SNX24: variants seen among roughly 807,000 people sequenced by gnomAD.
SNX24 encodes sorting nexin 24.
SNX24 carries 22 observed loss-of-function variants against 28.7 expected under a neutral mutation model. That is an observed-to-expected ratio of 0.77 (90% CI 0.55 to 1.10). The LOEUF (loss-of-function observed/expected upper bound fraction) is 1.10. Among genes scored for constraint, SNX24 ranks in the 50% least tolerant of loss-of-function variants. The probability of loss-of-function intolerance (pLI) is 0.00; values close to 1 mark genes in which losing one functional copy is unlikely to be tolerated. For synonymous variants in SNX24, 69 were observed against 71.5 expected (o/e 0.96, Z 0.18); for missense variants, 221 against 201.1 (o/e 1.10, Z -0.60).
chr5:123,014,421 A>G (rs1254442799), intron 5 of SNX24, among the ~76,000 whole-genome samples: 10 of 141,046 alleles, frequency 7.1e-5, no homozygotes, highest in East Asian at 2.1e-4. Context: ...GGCTCAAGCA[A>G]TCCTCCCATC....
At chr5:122,942,479 C>A in intron 2 of SNX24, among the ~76,000 whole-genome samples, 1 of 152,144 alleles carries the variant, frequency 6.6e-6, no homozygotes, top group East Asian at 1.9e-4. Flanking sequence ...CTTTTCTTTT[C>A]TTTTTCATTC....
chr5:122,978,150 T>G (rs557324302), intron 3 of SNX24, among the ~76,000 whole-genome samples: 1 of 152,312 alleles, frequency 6.6e-6, no homozygotes, highest in South Asian at 2.1e-4. Flanking sequence ...GGTATACATT[T>G]GAAAAACTAG....
At chr5:122,997,048 A>G (rs1762075231) in intron 3 of SNX24, among the ~76,000 whole-genome samples, 1 of 152,232 alleles carries the variant, frequency 6.6e-6, no homozygotes, top group African/African-American at 2.4e-5. Context: ...TCTCATGAAT[A>G]TGATCATGTG....
chr5:122,924,896 A>G (rs1758610965), intron 1 of SNX24, among the ~76,000 whole-genome samples: 1 of 152,082 alleles, frequency 6.6e-6, no homozygotes, highest in African/African-American at 2.4e-5. Context: ...GTAGCTTCTC[A>G]GAATAGCACT....
chr5:122,961,216 C>G (rs1760476438), intron 3 of SNX24, among the ~76,000 whole-genome samples: 1 of 152,166 alleles, frequency 6.6e-6, no homozygotes, highest in Middle Eastern at 3.2e-3. Context: ...TGCTGTCTAT[C>G]CTTATTGCCA....
intron 5 of SNX24, among the ~76,000 whole-genome samples, chr5:123,018,075 G>A (rs554160585): frequency 6.6e-6 from 1 of 152,042 alleles, no homozygotes; most frequent in African/African-American, 2.4e-5. Context: ...CCATAAGCAG[G>A]TACAGCTCAG....
chr5:122,986,816 G>A (rs1246371027), intron 3 of SNX24, among the ~76,000 whole-genome samples: 1 of 125,744 alleles, frequency 8.0e-6, no homozygotes, highest in East Asian at 2.8e-4. Flanking sequence ...GAGATGGAAA[G>A]GTGAAGAGAC....
At chr5:123,016,974 G>A (rs1297870764) in intron 5 of SNX24, among the ~76,000 whole-genome samples, 6 of 149,518 alleles carry the variant, frequency 4.0e-5, no homozygotes, top group Non-Finnish European at 5.9e-5. Context: ...CCCATCAGCA[G>A]AAGGAAATGA....
intron 6 of SNX24, among the ~76,000 whole-genome samples, chr5:123,006,888 A>G (rs1304643344): frequency 6.6e-6 from 1 of 152,226 alleles, no homozygotes; most frequent in East Asian, 1.9e-4. Context: ...TTCTTAAAAT[A>G]TTGGACTACT....
chr5:122,891,172 G>GT (rs755251162), intron 1 of SNX24: 115 of 1,400,664 alleles, frequency 8.2e-5, no homozygotes, highest in South Asian at 3.6e-4. Context: ...TTTGTTTTTT[G>GT]TTTTTTTTCC....
chr5:122,956,403 CACAT>C (rs1317102046), intron 3 of SNX24, among the ~76,000 whole-genome samples: 17 of 148,660 alleles, frequency 1.1e-4, no homozygotes, highest in African/African-American at 4.3e-4. Context: ...CACACACACA[CACAT>C]ACACAGCCAC....
At chr5:122,852,896 G>C (rs1400904407) in intron 1 of SNX24, among the ~76,000 whole-genome samples, 1 of 151,988 alleles carries the variant, frequency 6.6e-6, no homozygotes, top group Non-Finnish European at 1.5e-5. Context: ...AAACCCCTCA[G>C]GCATCACAGT....
At chr5:122,854,598 A>G (rs1173799080) in intron 1 of SNX24, among the ~76,000 whole-genome samples, 1 of 152,004 alleles carries the variant, frequency 6.6e-6, no homozygotes, top group Non-Finnish European at 1.5e-5. Flanking sequence ...TGAAAAAAAT[A>G]TAAACACATA....
intron 6 of SNX24, among the ~76,000 whole-genome samples, chr5:123,006,715 T>C (rs1762436035): frequency 6.6e-6 from 1 of 152,204 alleles, no homozygotes; most frequent in South Asian, 2.1e-4. Context: ...TTTAGGTCTC[T>C]GAACCCTCCA....
intron 3 of SNX24, among the ~76,000 whole-genome samples, chr5:122,958,694 T>G (rs1412320543): frequency 1.3e-5 from 2 of 148,810 alleles, no homozygotes; most frequent in Admixed American, 6.8e-5. Context: ...TGGTCATACT[T>G]TATAGTCTTT....
intron 1 of SNX24, among the ~76,000 whole-genome samples, chr5:122,889,492 A>G (rs1756856674): frequency 6.6e-6 from 1 of 151,924 alleles, no homozygotes; most frequent in Non-Finnish European, 1.5e-5. Context: ...CAGATTAGGG[A>G]TACTCAACCA....
chr5:122,912,873 C>T (rs984467166), intron 1 of SNX24, among the ~76,000 whole-genome samples: 7 of 151,876 alleles, frequency 4.6e-5, no homozygotes, highest in African/African-American at 1.7e-4. Context: ...GGCAGAGGAC[C>T]CTGTGGCCCT....
chr5:122,983,714 C>T (rs1371562034), intron 3 of SNX24, among the ~76,000 whole-genome samples: 1 of 152,156 alleles, frequency 6.6e-6, no homozygotes, highest in Non-Finnish European at 1.5e-5. Context: ...AGCAATCCTC[C>T]CGCCTTAGCT....
At chr5:122,912,994 GAC>G (rs923317785) in intron 1 of SNX24, among the ~76,000 whole-genome samples, 14 of 152,088 alleles carry the variant, frequency 9.2e-5, no homozygotes, top group African/African-American at 1.9e-4. Context: ...ACCCTGAGTG[GAC>G]ACAGCACATG....
Sources: gnomAD v4.1 joint callset for allele counts (sites outside exome capture counted in the v4.1 genomes callset) on GRCh38, gnomAD v4.1.1 for gene constraint, MANE v1.5 for transcripts, NCBI Gene and HGNC (gene_info 2026-07-23, HGNC 2026-07-21) for gene names.